The following SLCO6A1 variants were observed in gnomAD, a reference collection of about 807,000 sequenced individuals.
The protein encoded by SLCO6A1 is solute carrier organic anion transporter family member 6A1.
SLCO6A1 carries 65 observed loss-of-function variants against 72.7 expected under a neutral mutation model. The ratio of observed to expected loss-of-function variants is 0.89; its 90% CI spans 0.73 to 1.10. The LOEUF is 1.10. SLCO6A1 is among the 50% of genes least tolerant of loss of function. The pLI, the probability that SLCO6A1 is intolerant of heterozygous loss-of-function variation, is 0.00. For synonymous variants in SLCO6A1, 314 were observed against 298.2 expected (o/e 1.05, Z -0.55); for missense variants, 874 against 872.6 (o/e 1.00, Z -0.02).
At chr5:102,443,307 T>C (rs554646704) in intron 6 of SLCO6A1, among the ~76,000 whole-genome samples, 64 of 152,338 alleles carry the variant, frequency 4.2e-4, no homozygotes, top group Non-Finnish European at 8.7e-4. Flanking sequence ...TTCATCTAGG[T>C]CTATTTTAGC....
chr5:102,383,827 T>C (rs758104032), intron 12 of SLCO6A1, among the ~76,000 whole-genome samples: 13 of 151,976 alleles, frequency 8.6e-5, no homozygotes, highest in Admixed American at 1.3e-4. Flanking sequence ...TCGACTCCTA[T>C]GCTTTTCTTG....
chr5:102,417,960 A>T, intron 8 of SLCO6A1, among the ~76,000 whole-genome samples: 1 of 151,596 alleles, frequency 6.6e-6, no homozygotes, highest in East Asian at 1.9e-4. Context: ...GTGCCACTGC[A>T]CTCCAGCTTG....
chr5:102,393,387 A>G (rs1311403650), intron 10 of SLCO6A1, among the ~76,000 whole-genome samples: 1 of 152,060 alleles, frequency 6.6e-6, no homozygotes, highest in Non-Finnish European at 1.5e-5. Flanking sequence ...TGCTCATTAC[A>G]TTCTGTAATA....
At chr5:102,396,463 T>G (rs1195558027) in intron 10 of SLCO6A1, among the ~76,000 whole-genome samples, 1 of 152,182 alleles carries the variant, frequency 6.6e-6, no homozygotes, top group African/African-American at 2.4e-5. Flanking sequence ...TTGCTTGTTA[T>G]TTTTCCATAA....
intron 12 of SLCO6A1, among the ~76,000 whole-genome samples, chr5:102,384,374 C>T (rs1235009207): frequency 2.0e-5 from 3 of 152,046 alleles, no homozygotes; most frequent in African/African-American, 7.2e-5. Flanking sequence ...TTAAATTGCT[C>T]TCTGACTGTT....
chr5:102,461,697 C>T (rs1038437315), intron 4 of SLCO6A1, among the ~76,000 whole-genome samples: 3 of 152,064 alleles, frequency 2.0e-5, no homozygotes, highest in African/African-American at 4.8e-5. Context: ...GTCATCAGTG[C>T]AATTAGATAT....
At chr5:102,459,505 T>C (rs994364634) in intron 5 of SLCO6A1, 151 bp downstream of exon 5, 3 of 796,008 alleles carry the variant, frequency 3.8e-6, no homozygotes, top group Non-Finnish European at 5.6e-6. Context: ...TAAATAACAC[T>C]AGCACTTGAC....
At chr5:102,435,602 T>C (rs1016632623) in intron 7 of SLCO6A1, among the ~76,000 whole-genome samples, 17 of 152,158 alleles carry the variant, frequency 1.1e-4, no homozygotes, top group Non-Finnish European at 2.4e-4. Context: ...GGACCAGGTG[T>C]GGTGGCTCAC....
intron 2 of SLCO6A1, 84 bp downstream of exon 2, chr5:102,480,093 T>C (rs920331423): frequency 3.8e-5 from 49 of 1,282,580 alleles, no homozygotes; most frequent in Non-Finnish European, 4.9e-5. Context: ...AGACAAATAA[T>C]TATCACAGTC....
intron 12 of SLCO6A1, among the ~76,000 whole-genome samples, chr5:102,383,493 C>A (rs1746239855): frequency 6.6e-6 from 1 of 151,644 alleles, no homozygotes; most frequent in Non-Finnish European, 1.5e-5. Flanking sequence ...TGGAATATCA[C>A]ATTAACTGAT....
At chr5:102,389,439 C>A in intron 11 of SLCO6A1, among the ~76,000 whole-genome samples, 1 of 72,172 alleles carries the variant, frequency 1.4e-5, no homozygotes, top group Non-Finnish European at 3.2e-5. Flanking sequence ...AACAGTCACA[C>A]ACCCCGCCCC....
intron 1 of SLCO6A1, among the ~76,000 whole-genome samples, chr5:102,485,605 TG>T (rs1752414141): frequency 6.6e-6 from 1 of 152,250 alleles, no homozygotes; most frequent in African/African-American, 2.4e-5. Context: ...AGTAACACTT[TG>T]GATGTGTTAT....
intron 3 of SLCO6A1, among the ~76,000 whole-genome samples, 174 bp from the exon 4 acceptor site, chr5:102,475,967 C>T (rs1751877134): frequency 1.3e-5 from 2 of 151,982 alleles, no homozygotes; most frequent in Admixed American, 1.3e-4. Flanking sequence ...TAATGGAAAA[C>T]CAAGTATCAT....
At chr5:102,386,096 G>A (rs894590020) in intron 12 of SLCO6A1, among the ~76,000 whole-genome samples, 2 of 152,152 alleles carry the variant, frequency 1.3e-5, no homozygotes, top group Admixed American at 6.5e-5. Context: ...TGAAGAAGTA[G>A]ACATTTATTC....
At chr5:102,434,463 C>T (rs1419857931) in intron 7 of SLCO6A1, among the ~76,000 whole-genome samples, 1 of 152,192 alleles carries the variant, frequency 6.6e-6, no homozygotes, top group East Asian at 1.9e-4. Context: ...AACTGGAGCT[C>T]AGAAACCTAG....
In SLCO6A1 at chr5:102,498,904, C is replaced by T. The variant is rs1045635993; in HGVS notation, c.-60G>A. The T allele has an allele frequency of 9.4e-6, 14 of 1,484,430 alleles. No homozygotes were observed. In the African/African-American group the frequency reaches 1.8e-4, roughly 19 times the overall value. 92.0% of individuals were successfully genotyped at this position (1,484,430 alleles called of 1,614,324 possible). ...GAGTGCTCTCGGCTGCCCGTCCTGC[C>T]TGGGCCAACCCAAAGGCCAGCCTGG... On this transcript the variant is annotated 5_prime_UTR_variant, in exon 1 of 14. Coordinates refer to ENST00000506729, the MANE Select transcript of SLCO6A1 (RefSeq NM_173488.5).
chr5:102,482,521 A>G (rs1406455276), intron 1 of SLCO6A1, among the ~76,000 whole-genome samples: 1 of 152,130 alleles, frequency 6.6e-6, no homozygotes, highest in Non-Finnish European at 1.5e-5. Flanking sequence ...CAGCACTACA[A>G]ACTTGTTTAC....
At chr5:102,386,121 T>G (rs533153689) in intron 12 of SLCO6A1, among the ~76,000 whole-genome samples, 1 of 152,218 alleles carries the variant, frequency 6.6e-6, no homozygotes, top group Non-Finnish European at 1.5e-5. Flanking sequence ...CCTTACATAC[T>G]TGACTAACCC....
chr5:102,477,729 C>G lies in SLCO6A1; in HGVS notation c.749G>C (p.Gly250Ala). 1.2e-6 allele frequency: 2 copies of G among 1,613,590 alleles called. No homozygotes were observed. Among genetic ancestry groups the G allele is most frequent in the Non-Finnish European group, 1.7e-6 (2 of 1,179,790 alleles). Residue 250 changes from glycine to alanine, a missense_variant, in exon 3 of 14, where the codon GGA (glycine) becomes GCA (alanine). Coordinates refer to ENST00000506729, the MANE Select transcript of SLCO6A1 (RefSeq NM_173488.5). Reference sequence around the variant, plus strand: ...AACATTCTCATCAATAAAGGTTATTCCAAGGATATAAAGAGGCATTCCTGC... The same window carrying G: ...AACATTCTCATCAATAAAGGTTATTGCAAGGATATAAAGAGGCATTCCTGC... Reference protein sequence around the residue: ...GIAGMPLYILGITFIDENVAT... With the variant: ...GIAGMPLYILAITFIDENVAT...
Sources: allele counts gnomAD v4.1 joint callset (sites outside exome capture counted in the v4.1 genomes callset), GRCh38; gene constraint gnomAD v4.1.1; transcripts MANE v1.5; gene names NCBI Gene and HGNC (gene_info 2026-07-23, HGNC 2026-07-21).